PIK3C2G: variants seen among roughly 807,000 people sequenced by gnomAD.
PIK3C2G encodes the protein phosphatidylinositol 3-kinase C2 domain-containing subunit gamma.
In PIK3C2G, 168 loss-of-function variants were observed where a neutral mutation model predicts 181.1. That is an observed-to-expected ratio of 0.93 (90% confidence interval 0.82 to 1.05). The LOEUF (loss-of-function observed/expected upper bound fraction) is 1.05. Among genes scored for constraint, PIK3C2G ranks in the 50% least tolerant of loss-of-function variants. The pLI is 0.00. For synonymous variants in PIK3C2G, 573 were observed against 592.2 expected (o/e 0.97, Z 0.47); for missense variants, 1,869 against 1,732.8 (o/e 1.08, Z -1.40).
At position 18,491,477 on chromosome 12, in the gene PIK3C2G, A is replaced by G; in HGVS notation, c.2712A>G (p.Arg904=). ...RQEVLKKEIG[R]LEEFFQDVNT... Reference sequence around the variant, plus strand: ...AGGTACTGAAGAAAGAAATTGGCAGACTAGAAGAGTTCTTTCAAGATGTAA... The same window carrying G: ...AGGTACTGAAGAAAGAAATTGGCAGGCTAGAAGAGTTCTTTCAAGATGTAA... The change falls in exon 20 of 33, where the codon AGA becomes AGG. Residue 904 remains arginine (R), a synonymous_variant. Transcript: ENST00000538779. The G allele has an allele frequency of 6.2e-7, 1 of 1,603,016 alleles. No homozygotes were observed. The highest frequency in any genetic ancestry group is 8.5e-7 in the Non-Finnish European group (1 of 1,170,452).
At chr12:18,648,794 A>G (rs547014978), downstream of PIK3C2G, among the ~76,000 whole-genome samples, 38 of 152,144 alleles carry the variant, frequency 2.5e-4, no homozygotes, top group Non-Finnish European at 4.6e-4. Flanking sequence ...ACCAGGGCAA[A>G]CAATCCCACA....
chr12:18,325,030 T>C lies in PIK3C2G; in HGVS notation c.1209-5T>C, dbSNP rs752816686. The C allele has an allele frequency of 2.0e-6, 3 of 1,483,384 alleles. No homozygotes were observed. Among genetic ancestry groups the C allele is most frequent in the Non-Finnish European group, 2.8e-6 (3 of 1,079,212 alleles). 91.9% of individuals were successfully genotyped at this position (1,483,384 alleles called of 1,614,324 possible). ...TAAACAAAGTTTCTATTTTTTATTTTCCAGACAATGTCTCTTAACACTCAT... is the reference window on the plus strand; with the variant it reads ...TAAACAAAGTTTCTATTTTTTATTTCCCAGACAATGTCTCTTAACACTCAT... On this transcript the variant is annotated splice_polypyrimidine_tract_variant and splice_region_variant and intron_variant, in intron 7 of 32. Coordinates refer to ENST00000538779, the MANE Select transcript of PIK3C2G (RefSeq NM_001288772.2).
At chr12:18,595,948 A>G (rs999374210) in intron 30 of PIK3C2G, among the ~76,000 whole-genome samples, 1 of 152,078 alleles carries the variant, frequency 6.6e-6, no homozygotes. Context: ...ACTCATTGCC[A>G]TGATAATTCT....
chr12:18,658,229 T>G, the PIK3C2G span, among the ~76,000 whole-genome samples: 1 of 152,218 alleles, frequency 6.6e-6, no homozygotes, highest in African/African-American at 2.4e-5. Flanking sequence ...ATTTGCATAT[T>G]AGGCATCCCA....
chr12:18,346,157 T>G lies in PIK3C2G; in HGVS notation c.1430-484T>G, dbSNP rs189807470. ...AAATCCTAGCCTTGTACTATTTTCATTCTCTTTTTAATATCAACACATTGT... is the reference window on the plus strand; with the variant it reads ...AAATCCTAGCCTTGTACTATTTTCAGTCTCTTTTTAATATCAACACATTGT... On this transcript the variant is annotated intron_variant, in intron 10 of 32. Transcript: ENST00000538779. 4.3e-3 allele frequency among the ~76,000 whole-genome samples: 652 copies of G among 152,310 alleles called. 2 individuals carry two copies. Among genetic ancestry groups the G allele is most frequent in the Middle Eastern group, 0.024 (7 of 294 alleles).
chr12:18,416,072 C>G (rs1220436349), intron 16 of PIK3C2G, among the ~76,000 whole-genome samples: 1 of 152,100 alleles, frequency 6.6e-6, no homozygotes, highest in African/African-American at 2.4e-5. Flanking sequence ...TGGTGAAACC[C>G]CGTCTCTACT....
chr12:18,438,626 G>C (rs1028142910), intron 18 of PIK3C2G, among the ~76,000 whole-genome samples: 2 of 151,810 alleles, frequency 1.3e-5, no homozygotes, highest in African/African-American at 2.4e-5. Context: ...AAGAAGAAGA[G>C]CCAACATTTG....
intron 16 of PIK3C2G, among the ~76,000 whole-genome samples, chr12:18,412,651 A>G (rs890401945): frequency 6.6e-6 from 1 of 152,224 alleles, no homozygotes; most frequent in Non-Finnish European, 1.5e-5. Flanking sequence ...AAATGAATTG[A>G]TAAATATTTC....
intron 5 of PIK3C2G, among the ~76,000 whole-genome samples, chr12:18,303,013 G>T (rs1950239419): frequency 1.3e-5 from 2 of 152,094 alleles, no homozygotes; most frequent in Non-Finnish European, 2.9e-5. Context: ...CCTGTCCTCA[G>T]ACCCCCCAGT....
At chr12:18,529,665 C>T (rs7301316) in intron 24 of PIK3C2G, among the ~76,000 whole-genome samples, 106,913 of 152,102 alleles carry the variant, frequency 0.7, 38,021 homozygotes, top group East Asian at 0.96. Flanking sequence ...AGGCTGATAA[C>T]TTTAAGGATA....
chr12:18,462,730 T>C (rs1374042308), intron 18 of PIK3C2G, among the ~76,000 whole-genome samples: 5 of 152,268 alleles, frequency 3.3e-5, no homozygotes, highest in African/African-American at 1.2e-4. Flanking sequence ...TTATTCCAAG[T>C]AATGTCAGTT....
chr12:18,641,132 T>C (rs1949818262), intron 32 of PIK3C2G, among the ~76,000 whole-genome samples: 2 of 152,152 alleles, frequency 1.3e-5, no homozygotes, highest in Admixed American at 1.3e-4. Flanking sequence ...CCTTTTCTTA[T>C]GGCTGTCTCA....
chr12:18,478,392 A>C (rs1267482782), intron 18 of PIK3C2G, among the ~76,000 whole-genome samples: 1 of 152,178 alleles, frequency 6.6e-6, no homozygotes, highest in Admixed American at 6.5e-5. Flanking sequence ...GCATGTGCAC[A>C]GTTCATCAAG....
upstream of PIK3C2G, among the ~76,000 whole-genome samples, chr12:18,243,189 T>C (rs926848629): frequency 8.6e-6 from 1 of 116,252 alleles, no homozygotes; most frequent in African/African-American, 3.5e-5. Flanking sequence ...TCCTATAAAG[T>C]CTTTCTGTGT....
intron 18 of PIK3C2G, among the ~76,000 whole-genome samples, chr12:18,447,926 C>T (rs1947119524): frequency 6.6e-6 from 1 of 152,120 alleles, no homozygotes; most frequent in African/African-American, 2.4e-5. Flanking sequence ...ACATCAATAA[C>T]ATTAATGCAG....
At chr12:18,698,236 A>ACTTTT in the PIK3C2G span, among the ~76,000 whole-genome samples, 1 of 100,342 alleles carries the variant, frequency 1.0e-5, no homozygotes, top group Admixed American at 1.0e-4. Context: ...CTTGCAATAC[A>ACTTTT]CTTTTCTTCT....
upstream of PIK3C2G, among the ~76,000 whole-genome samples, chr12:18,242,987 G>A (rs1228222570): frequency 6.6e-6 from 1 of 152,108 alleles, no homozygotes; most frequent in African/African-American, 2.4e-5. Flanking sequence ...ACGAGCCTCT[G>A]ACCTTGCCCT....
the PIK3C2G span, among the ~76,000 whole-genome samples, chr12:18,659,480 C>T: frequency 1.3e-5 from 2 of 152,040 alleles, no homozygotes; most frequent in African/African-American, 4.8e-5. Context: ...CTCTCTTCTC[C>T]AAAATACCAT....
At chr12:18,721,180 G>C in the PIK3C2G span, among the ~76,000 whole-genome samples, 1 of 151,980 alleles carries the variant, frequency 6.6e-6, no homozygotes, top group East Asian at 1.9e-4. Flanking sequence ...AATATCTTTG[G>C]TAATGGAATA....
Sources: gnomAD v4.1 joint callset for allele counts (sites outside exome capture counted in the v4.1 genomes callset) on GRCh38, gnomAD v4.1.1 for gene constraint, MANE v1.5 for transcripts, NCBI Gene and HGNC (gene_info 2026-07-23, HGNC 2026-07-21) for gene names.